The following PPP1R12A variants were observed in gnomAD, a reference collection of about 807,000 sequenced individuals.
The protein encoded by PPP1R12A is protein phosphatase 1 regulatory subunit 12A.
In PPP1R12A, 19 loss-of-function variants were observed where a neutral mutation model predicts 139.6. That is an observed-to-expected ratio of 0.14 (90% CI 0.09 to 0.20). PPP1R12A has a LOEUF of 0.20. Ranked by LOEUF, PPP1R12A falls within the 10% of genes least tolerant of loss-of-function variation. The pLI is 1.00. For synonymous variants in PPP1R12A, 427 were observed against 420.6 expected (o/e 1.02, Z -0.19); for missense variants, 925 against 1,211.5 (o/e 0.76, Z 3.51).
chr12:79,782,912 C>T (rs925392554), intron 22 of PPP1R12A, among the ~76,000 whole-genome samples: 2 of 152,142 alleles, frequency 1.3e-5, no homozygotes, highest in East Asian at 3.9e-4. Flanking sequence ...TATTTCTTTA[C>T]ATAATTTTCT....
intron 9 of PPP1R12A, among the ~76,000 whole-genome samples, chr12:79,817,122 TTATC>T: frequency 1.3e-5 from 2 of 152,310 alleles, no homozygotes; most frequent in East Asian, 3.9e-4. Context: ...ACAAAAATTT[TTATC>T]TTTCTGCCAT....
intron 1 of PPP1R12A, among the ~76,000 whole-genome samples, chr12:79,908,358 C>T (rs1486768422): frequency 1.3e-5 from 2 of 152,100 alleles, no homozygotes; most frequent in East Asian, 3.8e-4. Context: ...AATTTTATTC[C>T]AAAATAGGAA....
chr12:79,892,935 C>G (rs1211514973), intron 1 of PPP1R12A, among the ~76,000 whole-genome samples: 2 of 151,996 alleles, frequency 1.3e-5, no homozygotes, highest in Non-Finnish European at 2.9e-5. Flanking sequence ...GAAACCCCGT[C>G]TCTACTAAAA....
intron 5 of PPP1R12A, among the ~76,000 whole-genome samples, chr12:79,822,758 T>C (rs1876268874): frequency 6.6e-6 from 1 of 152,066 alleles, no homozygotes; most frequent in South Asian, 2.1e-4. Context: ...TGAATAATAT[T>C]CCATTGCATG....
At chr12:79,840,514 T>C (rs1482041951) in intron 3 of PPP1R12A, among the ~76,000 whole-genome samples, 3 of 152,170 alleles carry the variant, frequency 2.0e-5, no homozygotes, top group African/African-American at 7.2e-5. Context: ...TATATACTCA[T>C]GAAGTCCCTC....
intron 1 of PPP1R12A, among the ~76,000 whole-genome samples, chr12:79,893,149 T>TA (rs1884820366): frequency 6.6e-6 from 1 of 152,054 alleles, no homozygotes; most frequent in Non-Finnish European, 1.5e-5. Flanking sequence ...TTAGGACTTT[T>TA]AACTTCTCTG....
chr12:79,780,972 T>C (rs1216639607), intron 23 of PPP1R12A, among the ~76,000 whole-genome samples: 2 of 152,246 alleles, frequency 1.3e-5, no homozygotes, highest in East Asian at 3.9e-4. Context: ...TAAAATAGAA[T>C]GGAAGAAAAA....
intron 1 of PPP1R12A, among the ~76,000 whole-genome samples, chr12:79,896,396 C>T (rs1315990559): frequency 1.3e-5 from 2 of 152,060 alleles, no homozygotes; most frequent in African/African-American, 4.8e-5. Flanking sequence ...TGCAGTGGCT[C>T]GAACATAGCT....
chr12:79,806,109 G>T, intron 13 of PPP1R12A, 57 bp downstream of exon 13: 2 of 1,519,894 alleles, frequency 1.3e-6, no homozygotes, highest in South Asian at 2.5e-5. Context: ...AAACAAAAAC[G>T]CATGCACATA....
intron 17 of PPP1R12A, 97 bp downstream of exon 17, chr12:79,796,685 G>T: frequency 1.0e-6 from 1 of 962,660 alleles, no homozygotes; most frequent in Non-Finnish European, 1.5e-6. Flanking sequence ...CACAAGTTAG[G>T]ATGCTGTTCC....
At chr12:79,899,660 T>C (rs766369041) in intron 1 of PPP1R12A, among the ~76,000 whole-genome samples, 1 of 152,186 alleles carries the variant, frequency 6.6e-6, no homozygotes, top group African/African-American at 2.4e-5. Flanking sequence ...ATTTCTAGTT[T>C]TTGACTACTA....
chr12:79,920,883 A>C (rs977924077), intron 1 of PPP1R12A, among the ~76,000 whole-genome samples: 6 of 152,200 alleles, frequency 3.9e-5, no homozygotes, highest in African/African-American at 1.4e-4. Context: ...TAAATAATCC[A>C]GTTTCTGGTA....
intron 5 of PPP1R12A, 82 bp from the exon 6 acceptor site, chr12:79,822,272 T>G: frequency 9.9e-7 from 1 of 1,014,682 alleles, no homozygotes; most frequent in East Asian, 2.7e-5. Flanking sequence ...TATAATTTTA[T>G]ATAAAGACGT....
intron 2 of PPP1R12A, among the ~76,000 whole-genome samples, chr12:79,862,226 G>A (rs1356030968): frequency 1.3e-5 from 2 of 152,106 alleles, no homozygotes. Flanking sequence ...GCATCTGAGG[G>A]GCCTGTTAGA....
chr12:79,827,676 G>A (rs1406717000), intron 5 of PPP1R12A, among the ~76,000 whole-genome samples: 2 of 152,068 alleles, frequency 1.3e-5, no homozygotes, highest in Non-Finnish European at 2.9e-5. Context: ...TCATGATTTT[G>A]TGAAAAACGC....
At chr12:79,931,318 T>C (rs1038017860) in intron 1 of PPP1R12A, among the ~76,000 whole-genome samples, 5 of 152,202 alleles carry the variant, frequency 3.3e-5, no homozygotes, top group African/African-American at 1.2e-4. Flanking sequence ...TAAAAGACAT[T>C]ATTAAATATA....
intron 1 of PPP1R12A, among the ~76,000 whole-genome samples, chr12:79,886,432 T>C (rs917220560): frequency 1.3e-5 from 2 of 152,146 alleles, no homozygotes; most frequent in Admixed American, 6.6e-5. Context: ...AAAATCTAGA[T>C]GTAAAAACAG....
chr12:79,796,885 A>T lies in PPP1R12A; in HGVS notation c.2358T>A (p.Thr786=). The change falls in exon 17 of 25, where the codon ACT becomes ACA. Residue 786 remains threonine, a synonymous_variant. Transcript: ENST00000450142. ...TTGAAGCATACAGTGAACTGCTCAT[A>T]GTAGAAAGTGAAGAGGATGGAGTGG... is the stretch of plus-strand genomic sequence containing the variant. ...SSTTPSSSLS[T]MSSSLYASSQ... is the part of the protein sequence containing the mutation. 1 of 1,612,290 alleles carries T rather than the reference A, an allele frequency of 6.2e-7. No homozygotes were observed. The highest frequency in any genetic ancestry group is 1.1e-5 in the South Asian group (1 of 91,014).
intron 23 of PPP1R12A, chr12:79,779,252 G>C (rs750927646): frequency 8.7e-7 from 1 of 1,143,778 alleles, no homozygotes; most frequent in Non-Finnish European, 1.2e-6. Context: ...TAAATGATAA[G>C]CATTCTGGGG....
Sources: allele counts gnomAD v4.1 joint callset (sites outside exome capture counted in the v4.1 genomes callset), GRCh38; gene constraint gnomAD v4.1.1; transcripts MANE v1.5; gene names NCBI Gene and HGNC (gene_info 2026-07-23, HGNC 2026-07-21).